The following NXPH1 variants were observed in gnomAD, a reference collection of about 807,000 sequenced individuals.
The protein encoded by NXPH1 is neurexophilin 1.
In NXPH1, 5 loss-of-function variants were observed where a neutral mutation model predicts 23.7. That is an observed-to-expected ratio of 0.21 (90% CI 0.11 to 0.44). NXPH1 has a LOEUF of 0.44. NXPH1 is among the 20% of genes least tolerant of loss of function. The pLI is 0.99. For missense variants in NXPH1, 324 were observed against 321.6 expected (o/e 1.01, Z -0.06); for synonymous variants, 144 against 122.2 (o/e 1.18, Z -1.18).
chr7:8,460,488 T>C (rs373126092), intron 2 of NXPH1, among the ~76,000 whole-genome samples: 6 of 152,222 alleles, frequency 3.9e-5, no homozygotes, highest in Admixed American at 2.6e-4. Flanking sequence ...CCTCTTTGCA[T>C]GGCACTCTCC....
rs79643555 is a variant in NXPH1 at position 8,564,432 on chromosome 7, T to C, written c.54+128665T>C. Among the ~76,000 whole-genome samples the C allele has an allele frequency of 3.2e-3, 492 of 151,720 alleles. 3 individuals are homozygous for C. Among genetic ancestry groups the C allele is most frequent in the African/African-American group, 0.011 (455 of 41,506 alleles). The stretch of plus-strand genomic sequence containing the variant: ...TGGATGTGACATTGCTCATGGCTCT[T>C]CCCAACTGCTGCCAGAAGCTGTGTT... On this transcript the variant is annotated intron_variant, in intron 2 of 2. Transcript: ENST00000405863.
At chr7:8,530,071 G>C (rs1403278965) in intron 2 of NXPH1, among the ~76,000 whole-genome samples, 2 of 152,124 alleles carry the variant, frequency 1.3e-5, no homozygotes, top group East Asian at 3.9e-4. Flanking sequence ...TTCTGTATCA[G>C]AGTCACCCTA....
At chr7:8,706,838 C>G (rs1269218211) in intron 2 of NXPH1, among the ~76,000 whole-genome samples, 1 of 152,148 alleles carries the variant, frequency 6.6e-6, no homozygotes, top group Non-Finnish European at 1.5e-5. Context: ...CTCTTAGGAG[C>G]AGATTGACTG....
At chr7:8,598,023 C>A (rs1819265445) in intron 2 of NXPH1, among the ~76,000 whole-genome samples, 1 of 152,202 alleles carries the variant, frequency 6.6e-6, no homozygotes, top group African/African-American at 2.4e-5. Flanking sequence ...AGCAAATAGG[C>A]TTTGCATGAT....
rs1257018641 is a variant in NXPH1, at chr7:8,442,028, C to A, written c.54+6261C>A. ...GTCAGGGGTTCGGGGTGGTGGAAAGCGAGATGGCGTTGGGAGCCAGGGCGT... is the reference window on the plus strand; with the variant it reads ...GTCAGGGGTTCGGGGTGGTGGAAAGAGAGATGGCGTTGGGAGCCAGGGCGT... On this transcript the variant is annotated intron_variant, in intron 2 of 2. Coordinates refer to ENST00000405863, the MANE Select transcript of NXPH1 (RefSeq NM_152745.3). The surrounding 1 kb of genome is among the most constrained non-coding windows in gnomAD (Gnocchi z 4.6). Among the ~76,000 whole-genome samples, 4 of 152,008 alleles carry A rather than the reference C, an allele frequency of 2.6e-5. No individual in the cohort carries two copies. Among genetic ancestry groups the A allele is most frequent in the Non-Finnish European group, 5.9e-5 (4 of 68,004 alleles).
intron 2 of NXPH1, among the ~76,000 whole-genome samples, chr7:8,713,771 C>T (rs990940055): frequency 5.3e-5 from 8 of 152,168 alleles, no homozygotes; most frequent in African/African-American, 1.9e-4. Flanking sequence ...TCTGGATTAC[C>T]AGGCAGAGAT....
intron 2 of NXPH1, among the ~76,000 whole-genome samples, chr7:8,682,947 G>A (rs1435627041): frequency 1.3e-5 from 2 of 152,194 alleles, no homozygotes; most frequent in African/African-American, 2.4e-5. Context: ...CAAGAAATCT[G>A]GGTTCTAGCT....
At chr7:8,513,822 C>T (rs1021665882) in intron 2 of NXPH1, among the ~76,000 whole-genome samples, 4 of 151,976 alleles carry the variant, frequency 2.6e-5, no homozygotes, top group Admixed American at 1.3e-4. Flanking sequence ...CTAGGGCTGC[C>T]GTAAAAAAGT....
At chr7:8,735,003 C>T (rs538507022) in intron 2 of NXPH1, among the ~76,000 whole-genome samples, 2 of 152,192 alleles carry the variant, frequency 1.3e-5, no homozygotes, top group African/African-American at 4.8e-5. Flanking sequence ...TATCCTGATA[C>T]TTTGCTGAAG....
intron 2 of NXPH1, among the ~76,000 whole-genome samples, chr7:8,697,921 A>G (rs1583235315): frequency 6.6e-6 from 1 of 152,214 alleles, no homozygotes; most frequent in Admixed American, 6.5e-5. Flanking sequence ...TATAGGCAGG[A>G]TCATTTATGG....
Position 8,621,213 on chromosome 7 carries a change from C to T in NXPH1, c.55-129795C>T, listed in dbSNP as rs17152820. On this transcript the variant is annotated intron_variant, in intron 2 of 2. Transcript: ENST00000405863. ...GTGCCATAGATTCAAAAGTGATAGT[C>T]ACCATGAAAGAGAGAACTGGAGTCA... Among the ~76,000 whole-genome samples, 442 of 152,234 alleles carry T rather than the reference C, an allele frequency of 2.9e-3. 3 individuals are homozygous for T. The highest frequency in any genetic ancestry group is 0.01 in the African/African-American group (416 of 41,562).
intron 2 of NXPH1, among the ~76,000 whole-genome samples, chr7:8,606,209 T>A (rs957727815): frequency 6.6e-6 from 1 of 152,066 alleles, no homozygotes; most frequent in Non-Finnish European, 1.5e-5. Flanking sequence ...AGGAAACAGA[T>A]GAACAGATTG....
rs1819582022 is a variant in NXPH1 at position 8,610,041 on chromosome 7, A to G, written c.55-140967A>G. Among the ~76,000 whole-genome samples the G allele has an allele frequency of 1.3e-5, 2 of 152,132 alleles. 1 individual carries two copies. Among genetic ancestry groups the G allele is most frequent in the South Asian group, 4.1e-4 (2 of 4,836 alleles). The stretch of plus-strand genomic sequence containing the variant: ...TAATTTTGATTTATTTGCTTGCTAG[A>G]GTGATAGCTATGAAGAATTCATAAC... On this transcript the variant is annotated intron_variant, in intron 2 of 2. Transcript: ENST00000405863.
At chr7:8,598,131 C>A (rs976197851) in intron 2 of NXPH1, among the ~76,000 whole-genome samples, 1 of 152,134 alleles carries the variant, frequency 6.6e-6, no homozygotes, top group African/African-American at 2.4e-5. Flanking sequence ...ATGTCATCCT[C>A]TCCATCTTTA....
intron 2 of NXPH1, among the ~76,000 whole-genome samples, chr7:8,697,500 G>A (rs1310214278): frequency 6.6e-6 from 1 of 152,162 alleles, no homozygotes; most frequent in African/African-American, 2.4e-5. Context: ...CTCACTCATT[G>A]TTTAGACAGA....
At chr7:8,439,679 C>A (rs1816258252) in intron 2 of NXPH1, among the ~76,000 whole-genome samples, 1 of 152,274 alleles carries the variant, frequency 6.6e-6, no homozygotes, top group South Asian at 2.1e-4. Context: ...TTTGGGATAT[C>A]CTTAAAATGT....
At chr7:8,700,667 C>T in intron 2 of NXPH1, among the ~76,000 whole-genome samples, 1 of 152,084 alleles carries the variant, frequency 6.6e-6, no homozygotes, top group East Asian at 1.9e-4. Context: ...TTCTTTATGA[C>T]CATGAAGAGC....
At chr7:8,598,118 C>T (rs1302821933) in intron 2 of NXPH1, among the ~76,000 whole-genome samples, 2 of 152,098 alleles carry the variant, frequency 1.3e-5, no homozygotes, top group Non-Finnish European at 2.9e-5. Context: ...ATATATAGAG[C>T]ATATGTCATC....
intron 2 of NXPH1, among the ~76,000 whole-genome samples, chr7:8,528,512 A>G (rs750603869): frequency 1.3e-5 from 2 of 152,262 alleles, no homozygotes; most frequent in Non-Finnish European, 2.9e-5. Flanking sequence ...TGCAAGGCAT[A>G]AACCATATTG....
Sources: gnomAD v4.1 joint callset for allele counts (sites outside exome capture counted in the v4.1 genomes callset) on GRCh38, gnomAD v4.1.1 for gene constraint, Gnocchi (gnomAD v3.1) non-coding constraint, MANE v1.5 for transcripts, NCBI Gene and HGNC (gene_info 2026-07-23, HGNC 2026-07-21) for gene names.